POLQ: variants seen among roughly 807,000 people sequenced by gnomAD.
The protein encoded by POLQ is DNA polymerase theta, also known as epididymis secretory sperm binding protein.
A neutral mutation model predicts 259.2 loss-of-function variants in POLQ; 233 were observed. The ratio of observed to expected loss-of-function variants is 0.90; its 90% CI spans 0.81 to 1.00. POLQ has a LOEUF of 1.00. Ranked by LOEUF, POLQ falls within the 50% of genes least tolerant of loss-of-function variation. The pLI is 0.00. For synonymous variants in POLQ, 1,025 were observed against 1,048.8 expected (o/e 0.98, Z 0.44); for missense variants, 2,871 against 3,051.6 (o/e 0.94, Z 1.39).
At position 121,487,737 on chromosome 3, in the gene POLQ, TATC is replaced by T. The variant is rs1264076375; in HGVS notation, c.5191_5193del (p.Asp1731del). 6 of 1,613,500 alleles carry T rather than the reference TATC, an allele frequency of 3.7e-6. No individual in the cohort carries two copies. The highest frequency in any genetic ancestry group is 2.2e-5 in the East Asian group (1 of 44,854). On this transcript the variant is annotated inframe_deletion, in exon 16 of 30. Transcript: ENST00000264233. ...ATGGGTGTAGGAGGAATGAGACCAT[TATC>T]ATCAACTATATTACTTTCTTTACGA...
intron 26 of POLQ, among the ~76,000 whole-genome samples, chr3:121,444,304 T>C (rs1040657595): frequency 1.1e-4 from 16 of 145,890 alleles, no homozygotes; most frequent in African/African-American, 3.5e-4. Context: ...CTTATATAGA[T>C]CTTTCACTTC....
intron 25 of POLQ, 65 bp downstream of exon 25, chr3:121,459,985 A>T: frequency 7.9e-7 from 1 of 1,268,346 alleles, no homozygotes; most frequent in Non-Finnish European, 1.1e-6. Flanking sequence ...AATTGAGACC[A>T]TTTTTAATTT....
chr3:121,474,140 A>C (rs1478942058), intron 20 of POLQ, among the ~76,000 whole-genome samples: 1 of 152,230 alleles, frequency 6.6e-6, no homozygotes, highest in Admixed American at 6.5e-5. Flanking sequence ...CTCCTAAATG[A>C]GGCTGCTCAA....
In POLQ at chr3:121,487,916, T is replaced by C. The variant is rs766483336; in HGVS notation, c.5015A>G (p.Asn1672Ser). 3 of 1,605,818 alleles carry C rather than the reference T, an allele frequency of 1.9e-6. No homozygotes were observed. Among genetic ancestry groups the C allele is most frequent in the South Asian group, 2.2e-5 (2 of 89,046 alleles). Residue 1672 changes from asparagine (N) to serine (S), a missense_variant, in exon 16 of 30, where the codon AAT becomes AGT. Coordinates refer to ENST00000264233, the MANE Select transcript of POLQ (RefSeq NM_199420.4). ...TINFSSLNRK[N>S]TELNEEQEVI... ...TTCTTGTTCTTCATTTAACTCTGTA[T>C]TTTTTCTATTCAAACTGGAAAAGTT...
intron 25 of POLQ, among the ~76,000 whole-genome samples, chr3:121,451,572 C>T (rs762056647): frequency 6.6e-6 from 1 of 152,126 alleles, no homozygotes; most frequent in Admixed American, 6.5e-5. Flanking sequence ...CTGTTTGCCT[C>T]GGTATGAGCA....
At chr3:121,537,336 G>T in intron 4 of POLQ, 128 bp from the exon 5 acceptor site, 1 of 635,998 alleles carries the variant, frequency 1.6e-6, no homozygotes, top group Non-Finnish European at 2.8e-6. Context: ...GGGGGTACAT[G>T]TGAAGGTCTG....
intron 19 of POLQ, 99 bp downstream of exon 19, chr3:121,481,473 G>T: frequency 9.1e-7 from 1 of 1,100,064 alleles, no homozygotes. Context: ...TCCAAAGGTA[G>T]GATTTGCATA....
rs766210200 is a variant in POLQ, at chr3:121,529,802, A to G, written c.961-10T>C. ...CATGGTCCTCATCTCCCTAAAACAG[A>G]AAGATAAATAACCACTTTAGTGGTC... On this transcript the variant is annotated splice_polypyrimidine_tract_variant and intron_variant, in intron 6 of 29. Coordinates refer to ENST00000264233, the MANE Select transcript of POLQ (RefSeq NM_199420.4). The G allele has an allele frequency of 1.4e-5, 23 of 1,595,334 alleles. No individual in the cohort carries two copies. Among genetic ancestry groups the G allele is most frequent in the South Asian group, 5.7e-5 (5 of 88,400 alleles).
rs544948374 is a variant in POLQ, at chr3:121,461,343, G to A, written c.6968-1109C>T. Reference sequence around the variant, plus strand: ...TTTGTTTAAATGTCCTTATTGATAAGCACAAATCTCTAGTATAGAAACATT... The same window carrying A: ...TTTGTTTAAATGTCCTTATTGATAAACACAAATCTCTAGTATAGAAACATT... On this transcript the variant is annotated intron_variant, in intron 24 of 29. Coordinates refer to ENST00000264233, the MANE Select transcript of POLQ (RefSeq NM_199420.4). Among the ~76,000 whole-genome samples, 16 of 152,238 alleles carry A rather than the reference G, an allele frequency of 1.1e-4. 1 individual carries two copies. The South Asian group carries it at 3.3e-3, about 32-fold the overall frequency.
At chr3:121,501,358 CCATTTTATAAGAAATGCT>C (rs1234801283) in intron 12 of POLQ, among the ~76,000 whole-genome samples, 1 of 151,180 alleles carries the variant, frequency 6.6e-6, no homozygotes, top group African/African-American at 2.4e-5. Flanking sequence ...GCTAGCAAAT[CCATTTTATAAGAAATGCT>C]AGGCCGGGCG....
chr3:121,475,326 T>C (rs1018937722), intron 20 of POLQ, among the ~76,000 whole-genome samples: 4 of 152,224 alleles, frequency 2.6e-5, no homozygotes, highest in Non-Finnish European at 5.9e-5. Context: ...CTTATCTTTC[T>C]GTAACTGGCT....
chr3:121,506,890 G>A (rs566577966), intron 12 of POLQ, among the ~76,000 whole-genome samples: 10 of 149,568 alleles, frequency 6.7e-5, no homozygotes, highest in South Asian at 2.1e-4. Context: ...AATAAACAAC[G>A]GTACATCCAC....
chr3:121,509,842 T>C (rs561302279), intron 11 of POLQ, 139 bp from the exon 12 acceptor site: 13 of 911,848 alleles, frequency 1.4e-5, no homozygotes, highest in Non-Finnish European at 1.8e-5. Context: ...AGCATGAAAA[T>C]GTATGAGCAG....
intron 23 of POLQ, among the ~76,000 whole-genome samples, chr3:121,468,078 A>G (rs1351373140): frequency 1.3e-5 from 2 of 152,182 alleles, no homozygotes; most frequent in East Asian, 3.8e-4. Context: ...TCTGAGACTC[A>G]CTTTAAAGCT....
At chr3:121,453,401 A>G (rs1193304171) in intron 25 of POLQ, among the ~76,000 whole-genome samples, 1 of 152,244 alleles carries the variant, frequency 6.6e-6, no homozygotes, top group Non-Finnish European at 1.5e-5. Flanking sequence ...AATGACTTTG[A>G]CGAGTTGAGA....
intron 19 of POLQ, among the ~76,000 whole-genome samples, chr3:121,476,997 C>T (rs2047932972): frequency 6.6e-6 from 1 of 152,208 alleles, no homozygotes; most frequent in African/African-American, 2.4e-5. Context: ...TTACAAGAGA[C>T]TGTATTTCTC....
chr3:121,510,486 A>G (rs1486520513), intron 10 of POLQ, among the ~76,000 whole-genome samples: 1 of 152,074 alleles, frequency 6.6e-6, no homozygotes, highest in Non-Finnish European at 1.5e-5. Flanking sequence ...CTGAGGCAGG[A>G]GAATGGCATG....
Position 121,490,354 on chromosome 3 carries a change from C to G in POLQ, c.2577G>C (p.Met859Ile), listed in dbSNP as rs1189175443. 4.3e-6 allele frequency: 7 copies of G among 1,614,126 alleles called. No individual in the cohort carries two copies. In the African/African-American group the frequency reaches 9.3e-5, roughly 22 times the overall value. Residue 859 changes from methionine to isoleucine, a missense_variant, in exon 16 of 30, where the codon ATG (methionine) becomes ATC (isoleucine). Coordinates refer to ENST00000264233, the MANE Select transcript of POLQ (RefSeq NM_199420.4). ...EEEAVEERRN[M>I]RTIWVTGRKG... ...TTCTGCCAGTCACCCAGATAGTTCG[C>G]ATATTGCGACGTTCTTCAACTGCTT...
intron 22 of POLQ, among the ~76,000 whole-genome samples, chr3:121,470,779 TTTTTGACTTTCTATAGAGACATGG>T (rs993114154): frequency 6.6e-6 from 1 of 152,084 alleles, no homozygotes; most frequent in Non-Finnish European, 1.5e-5. Context: ...CATGGCTAAT[TTTTTGACTTTCTATAGAGACATGG>T]TTTTGACTTT....
Sources: gnomAD v4.1 joint callset for allele counts (sites outside exome capture counted in the v4.1 genomes callset) on GRCh38, gnomAD v4.1.1 for gene constraint, MANE v1.5 for transcripts, NCBI Gene and HGNC (gene_info 2026-07-23, HGNC 2026-07-21) for gene names.